WARS2: variants seen among roughly 807,000 people sequenced by gnomAD.
WARS2 encodes tryptophan--tRNA ligase, mitochondrial.
WARS2 carries 28 observed loss-of-function variants against 36.5 expected under a neutral mutation model. The observed-to-expected ratio is 0.77, with a 90% CI of 0.57 to 1.05. The LOEUF is 1.05. WARS2 is among the 50% of genes least tolerant of loss of function. The pLI, the probability that WARS2 is intolerant of heterozygous loss-of-function variation, is 0.00. For missense variants in WARS2, 435 were observed against 456.8 expected, an observed-to-expected ratio of 0.95 and a Z score of 0.44; for synonymous variants, 174 against 178.4, an observed-to-expected ratio of 0.98 and a Z score of 0.20.
intron 1 of WARS2, among the ~76,000 whole-genome samples, chr1:119,079,893 T>TA (rs759485847): frequency 1.8e-4 from 27 of 152,052 alleles, no homozygotes; most frequent in South Asian, 4.1e-4. Context: ...AACACACACA[T>TA]AAAAGGCTTT....
At chr1:119,134,333 A>AC (rs1247816327) in intron 1 of WARS2, among the ~76,000 whole-genome samples, 1 of 151,026 alleles carries the variant, frequency 6.6e-6, no homozygotes, top group African/African-American at 2.4e-5. Flanking sequence ...AAAAAAAAAA[A>AC]AAAAAAAACA....
chr1:119,045,698 C>T lies in WARS2; in HGVS notation c.349-36G>A, dbSNP rs768475327. ...AAAATAGAACATTAGTAAAGGTGGC[C>T]AGTGTTTTCTTGCATATAAGAAGAA... On this transcript the variant is annotated intron_variant, in intron 2 of 5. Transcript: ENST00000235521. 6 of 1,526,864 alleles carry T rather than the reference C, an allele frequency of 3.9e-6. No homozygotes were observed. In the South Asian group the frequency reaches 4.7e-5, roughly 12 times the overall value. The allele number at this position is 1,526,864 out of a possible 1,614,324, so 94.6% of individuals were successfully genotyped here.
intron 1 of WARS2, among the ~76,000 whole-genome samples, chr1:119,129,207 G>C (rs1436393742): frequency 1.3e-5 from 2 of 152,138 alleles, no homozygotes; most frequent in African/African-American, 4.8e-5. Context: ...GAGGTGATCA[G>C]TGCCCTCATA....
intron 1 of WARS2, among the ~76,000 whole-genome samples, chr1:119,134,066 T>C (rs902740735): frequency 3.6e-4 from 54 of 151,126 alleles, no homozygotes; most frequent in African/African-American, 1.3e-3. Context: ...TTCAACTACC[T>C]TACTGAAAAA....
chr1:119,109,572 A>T (rs1373599499), intron 1 of WARS2, among the ~76,000 whole-genome samples: 1 of 151,844 alleles, frequency 6.6e-6, no homozygotes, highest in Non-Finnish European at 1.5e-5. Flanking sequence ...CTTTACTTTA[A>T]ATCCATATGT....
chr1:119,135,687 G>C (rs1656432635), intron 1 of WARS2, among the ~76,000 whole-genome samples: 2 of 151,796 alleles, frequency 1.3e-5, no homozygotes, highest in South Asian at 4.2e-4. Flanking sequence ...GAAAGACATG[G>C]AATATAGAGA....
At chr1:119,109,134 T>C (rs1255274445) in intron 1 of WARS2, among the ~76,000 whole-genome samples, 1 of 152,016 alleles carries the variant, frequency 6.6e-6, no homozygotes, top group Non-Finnish European at 1.5e-5. Flanking sequence ...TGGTTCAGAA[T>C]GTGGTCTATC....
At chr1:119,058,179 G>C (rs1650000662) in intron 2 of WARS2, among the ~76,000 whole-genome samples, 1 of 151,970 alleles carries the variant, frequency 6.6e-6, no homozygotes, top group South Asian at 2.1e-4. Context: ...TCCCTCACAT[G>C]GACATCTAGC....
Position 119,065,022 on chromosome 1 carries a change from G to T in WARS2, c.348+11328C>A, listed in dbSNP as rs188606282. ...AAAATACAAAAGATCTGAAAGCATTGCTATATTCTTTGATTAATATGTAAT... is the reference window on the plus strand; with the variant it reads ...AAAATACAAAAGATCTGAAAGCATTTCTATATTCTTTGATTAATATGTAAT... On this transcript the variant is annotated intron_variant, in intron 2 of 5. Coordinates refer to ENST00000235521, the MANE Select transcript of WARS2 (RefSeq NM_015836.4). 1.2e-3 allele frequency among the ~76,000 whole-genome samples: 182 copies of T among 152,118 alleles called. 1 individual carries two copies. The highest frequency in any genetic ancestry group is 2.0e-3 in the Non-Finnish European group (135 of 67,992).
chr1:119,062,074 G>A (rs1007958045), intron 2 of WARS2, among the ~76,000 whole-genome samples: 1 of 152,136 alleles, frequency 6.6e-6, no homozygotes, highest in Non-Finnish European at 1.5e-5. Context: ...GGAAAACTGA[G>A]GCTTCTTTGG....
intron 1 of WARS2, among the ~76,000 whole-genome samples, chr1:119,088,045 G>T (rs1470147791): frequency 6.6e-6 from 1 of 152,174 alleles, no homozygotes; most frequent in East Asian, 1.9e-4. Flanking sequence ...TGCGGCCCGG[G>T]CTTTAACAAG....
At chr1:119,108,873 G>T (rs587693080) in intron 1 of WARS2, among the ~76,000 whole-genome samples, 1 of 151,748 alleles carries the variant, frequency 6.6e-6, no homozygotes, top group Non-Finnish European at 1.5e-5. Flanking sequence ...TTCCCTCTAA[G>T]CACTGCTTTC....
chr1:119,105,017 T>C (rs1654135925), intron 1 of WARS2, among the ~76,000 whole-genome samples: 1 of 152,132 alleles, frequency 6.6e-6, no homozygotes, highest in African/African-American at 2.4e-5. Flanking sequence ...CAAGAAATGA[T>C]AGAAGGCAGT....
chr1:119,073,789 A>C (rs144299204), intron 2 of WARS2, among the ~76,000 whole-genome samples: 4 of 152,236 alleles, frequency 2.6e-5, no homozygotes, highest in Non-Finnish European at 5.9e-5. Context: ...ACATGGAAGA[A>C]CATATCTCAA....
intron 2 of WARS2, among the ~76,000 whole-genome samples, chr1:119,053,672 G>T (rs1257763608): frequency 6.6e-6 from 1 of 152,188 alleles, no homozygotes; most frequent in African/African-American, 2.4e-5. Flanking sequence ...AATCAGCAGA[G>T]TAAAAAGGCA....
intron 1 of WARS2, among the ~76,000 whole-genome samples, chr1:119,094,765 T>C (rs1653295850): frequency 6.6e-6 from 1 of 152,196 alleles, no homozygotes; most frequent in African/African-American, 2.4e-5. Context: ...GTCCTCATGT[T>C]GTATTTAGAT....
intron 1 of WARS2, among the ~76,000 whole-genome samples, chr1:119,116,064 C>T (rs1458063199): frequency 1.3e-5 from 2 of 152,176 alleles, no homozygotes; most frequent in Non-Finnish European, 2.9e-5. Flanking sequence ...ACTCTAAGTA[C>T]ATTTGTATAG....
intron 2 of WARS2, among the ~76,000 whole-genome samples, chr1:119,072,277 C>T (rs1651383091): frequency 6.6e-6 from 1 of 152,100 alleles, no homozygotes; most frequent in Non-Finnish European, 1.5e-5. Context: ...TGTTCATTTC[C>T]AGGCAATCCA....
intron 1 of WARS2, chr1:119,085,470 T>G: frequency 6.5e-7 from 1 of 1,527,322 alleles, no homozygotes; most frequent in South Asian, 1.2e-5. Flanking sequence ...TTTTCCTTTT[T>G]GTCTTTTTTT....
Sources: gnomAD v4.1 joint callset for allele counts (sites outside exome capture counted in the v4.1 genomes callset) on GRCh38, gnomAD v4.1.1 for gene constraint, MANE v1.5 for transcripts, NCBI Gene and HGNC (gene_info 2026-07-23, HGNC 2026-07-21) for gene names.